Variants in SLC30A5 observed in about 807,000 individuals in gnomAD.
The protein encoded by SLC30A5 is proton-coupled zinc antiporter SLC30A5.
SLC30A5 carries 33 observed loss-of-function variants against 79.6 expected under a neutral mutation model. The observed-to-expected ratio is 0.41, with a 90% CI of 0.31 to 0.55. The LOEUF (loss-of-function observed/expected upper bound fraction) is 0.55. Among genes scored for constraint, SLC30A5 ranks in the 20% least tolerant of loss-of-function variants. The pLI is 0.20. For synonymous variants in SLC30A5, 299 were observed against 319.7 expected (o/e 0.94, Z 0.69); for missense variants, 788 against 928.1 (o/e 0.85, Z 1.96).
intron 1 of SLC30A5, among the ~76,000 whole-genome samples, chr5:69,098,567 G>A (rs2111927040): frequency 6.6e-6 from 1 of 152,176 alleles, no homozygotes; most frequent in South Asian, 2.1e-4. Flanking sequence ...ACAGTTCTCT[G>A]GCTAAAAAAT....
intron 1 of SLC30A5, among the ~76,000 whole-genome samples, chr5:69,095,941 C>T (rs764578908): frequency 4.0e-5 from 6 of 151,174 alleles, no homozygotes; most frequent in Non-Finnish European, 7.4e-5. Flanking sequence ...ACGTGGTATG[C>T]GCCTGTAATC....
At chr5:69,103,510 T>C (rs995419486) in intron 3 of SLC30A5, among the ~76,000 whole-genome samples, 1 of 152,208 alleles carries the variant, frequency 6.6e-6, no homozygotes, top group Non-Finnish European at 1.5e-5. Flanking sequence ...GACAAAGTCA[T>C]GTTCTGTCTG....
At chr5:69,095,442 G>T (rs956656252) in intron 1 of SLC30A5, among the ~76,000 whole-genome samples, 1 of 151,936 alleles carries the variant, frequency 6.6e-6, no homozygotes, top group Non-Finnish European at 1.5e-5. Flanking sequence ...CCTCGTGATC[G>T]GCCTGCCTCG....
At chr5:69,125,389 G>T (rs1746648084) in intron 14 of SLC30A5, among the ~76,000 whole-genome samples, 1 of 151,506 alleles carries the variant, frequency 6.6e-6, no homozygotes, top group African/African-American at 2.4e-5. Flanking sequence ...AGCCGGGCAT[G>T]GTGGCGGGCA....
Position 69,128,709 on chromosome 5 carries a change from C to G in SLC30A5, c.2127+577C>G, listed in dbSNP as rs1746770615. On this transcript the variant is annotated intron_variant, in intron 15 of 15. Transcript: ENST00000396591. ...AAATTCATTTATGAGTTTGATTAAT[C>G]TTGGTTTCCAGTAGATTATCAAAAA... Among the ~76,000 whole-genome samples the G allele has an allele frequency of 2.6e-5, 4 of 152,148 alleles. No individual in the cohort carries two copies. In the South Asian group the frequency reaches 8.3e-4, roughly 32 times the overall value.
chr5:69,128,514 C>T (rs548099212), intron 15 of SLC30A5, among the ~76,000 whole-genome samples: 8 of 152,192 alleles, frequency 5.3e-5, no homozygotes, highest in African/African-American at 1.4e-4. Flanking sequence ...CCGCCTGCCT[C>T]GACCTCCCAA....
Position 69,094,128 on chromosome 5 carries a change from G to T in SLC30A5, c.-128G>T. Reference sequence around the variant, plus strand: ...CGGCGACGGCGGCAGTGGCGGCCCGGCCTGCAGGAGCCCGACGGGGTCTCT... The same window carrying T: ...CGGCGACGGCGGCAGTGGCGGCCCGTCCTGCAGGAGCCCGACGGGGTCTCT... On this transcript the variant is annotated 5_prime_UTR_variant, in exon 1 of 16. Coordinates refer to ENST00000396591, the MANE Select transcript of SLC30A5 (RefSeq NM_022902.5). 1 of 467,174 alleles carries T rather than the reference G, an allele frequency of 2.1e-6. No homozygotes were observed. The highest frequency in any genetic ancestry group is 3.6e-6 in the Non-Finnish European group (1 of 279,740). The allele number at this position is 467,174 out of a possible 1,614,324, so 28.9% of individuals were successfully genotyped here.
At chr5:69,122,801 G>A (rs1746572199) in intron 13 of SLC30A5, among the ~76,000 whole-genome samples, 1 of 151,962 alleles carries the variant, frequency 6.6e-6, no homozygotes, top group Non-Finnish European at 1.5e-5. Context: ...TTACAAAAAG[G>A]AAATTCTTAC....
intron 7 of SLC30A5, 76 bp from the exon 8 acceptor site, chr5:69,115,161 A>G: frequency 6.2e-6 from 5 of 806,368 alleles, no homozygotes; most frequent in Non-Finnish European, 7.3e-6. Flanking sequence ...AAAAAAAAAA[A>G]AAAAGATCAT....
In SLC30A5 at chr5:69,094,075, CG is replaced by C. The variant is rs1365258208; in HGVS notation, c.-180del. ...GCCGGAACTGATCGCGGCCTAGTCC[CG>C]ACGCGTGTGTGCTAGTGAGCCGGAG... On this transcript the variant is annotated 5_prime_UTR_variant, in exon 1 of 16. Transcript: ENST00000396591. The C allele has an allele frequency of 2.5e-6, 1 of 401,966 alleles. No individual in the cohort carries two copies. Among genetic ancestry groups the C allele is most frequent in the Non-Finnish European group, 4.4e-6 (1 of 226,040 alleles). 24.9% of individuals were successfully genotyped at this position (401,966 alleles called of 1,614,324 possible). A position where few individuals can be genotyped will look rare whatever the true frequency, so the allele number is the denominator to read the frequency against.
chr5:69,103,322 A>T (rs1046854134), intron 3 of SLC30A5, among the ~76,000 whole-genome samples, 194 bp downstream of exon 3: 6 of 152,078 alleles, frequency 3.9e-5, no homozygotes, highest in Admixed American at 3.3e-4. Flanking sequence ...GAATGTTTTT[A>T]AAAAAAACAA....
rs1390077598 is a variant in SLC30A5 at position 69,094,218 on chromosome 5, C to T, written c.-38C>T. 1.8e-6 allele frequency: 2 copies of T among 1,102,770 alleles called. No homozygotes were observed. Among genetic ancestry groups the T allele is most frequent in the African/African-American group, 1.6e-5 (1 of 61,532 alleles). The allele number at this position is 1,102,770 out of a possible 1,614,324, so 68.3% of individuals were successfully genotyped here. On this transcript the variant is annotated 5_prime_UTR_variant, in exon 1 of 16. Transcript: ENST00000396591. ...GCAGCGGCGAGACATGAGGAGACCC[C>T]GCGACAGGGGCAGCGGCGGCGGCTC...
intron 3 of SLC30A5, 181 bp from the exon 4 acceptor site, chr5:69,104,447 TAAG>T: frequency 7.4e-7 from 1 of 1,349,708 alleles, no homozygotes; most frequent in Non-Finnish European, 9.4e-7. Context: ...CGGCCCAGAA[TAAG>T]AATACTGTCT....
intron 4 of SLC30A5, among the ~76,000 whole-genome samples, chr5:69,106,244 G>A (rs185985520): frequency 1.3e-5 from 2 of 152,310 alleles, no homozygotes; most frequent in African/African-American, 2.4e-5. Context: ...GCAGCTTGGA[G>A]GGCTGAGAAA....
chr5:69,118,099 C>A (rs532559230), intron 11 of SLC30A5, among the ~76,000 whole-genome samples: 2 of 149,840 alleles, frequency 1.3e-5, no homozygotes, highest in East Asian at 2.0e-4. Context: ...ATGGTGTGAA[C>A]CCAGGAGGCG....
intron 13 of SLC30A5, among the ~76,000 whole-genome samples, chr5:69,122,279 C>G (rs1385779412): frequency 1.3e-5 from 2 of 152,098 alleles, no homozygotes; most frequent in Admixed American, 1.3e-4. Context: ...TGCTTGTAAT[C>G]CCAGCTACTC....
intron 14 of SLC30A5, among the ~76,000 whole-genome samples, chr5:69,123,909 C>T (rs560520061): frequency 5.5e-4 from 84 of 152,096 alleles, no homozygotes; most frequent in African/African-American, 1.8e-3. Flanking sequence ...CAGTTTAGAT[C>T]GAGACCATCC....
At chr5:69,107,330 TA>T (rs1746105686) in intron 4 of SLC30A5, among the ~76,000 whole-genome samples, 1 of 152,224 alleles carries the variant, frequency 6.6e-6, no homozygotes, top group Non-Finnish European at 1.5e-5. Flanking sequence ...TCTTCTGGGG[TA>T]CCTCCTGAAG....
chr5:69,127,839 T>C (rs1403038640), intron 14 of SLC30A5, among the ~76,000 whole-genome samples, 165 bp from the exon 15 acceptor site: 2 of 152,148 alleles, frequency 1.3e-5, no homozygotes, highest in Admixed American at 6.6e-5. Context: ...GCTTCTGGCT[T>C]CTCATTATGG....
Sources: gnomAD v4.1 joint callset for allele counts (sites outside exome capture counted in the v4.1 genomes callset) on GRCh38, gnomAD v4.1.1 for gene constraint, MANE v1.5 for transcripts, NCBI Gene and HGNC (gene_info 2026-07-23, HGNC 2026-07-21) for gene names.